Variants in VPS13B observed in about 807,000 individuals in gnomAD.
VPS13B encodes the protein intermembrane lipid transfer protein VPS13B.
VPS13B carries 285 observed loss-of-function variants against 426.4 expected under a neutral mutation model. The ratio of observed to expected loss-of-function variants is 0.67; its 90% CI spans 0.61 to 0.74. The LOEUF is 0.74. Ranked by LOEUF, VPS13B falls within the 30% of genes least tolerant of loss-of-function variation. VPS13B has a pLI of 0.00. For missense variants in VPS13B, 4,537 were observed against 4,782.6 expected (o/e 0.95, Z 1.51); for synonymous variants, 1,676 against 1,676.4 (o/e 1.00, Z 0.01).
intron 17 of VPS13B, among the ~76,000 whole-genome samples, chr8:99,232,031 C>T (rs114588170): frequency 0.01 from 1,549 of 152,104 alleles, 15 homozygotes; most frequent in South Asian, 0.028. Context: ...AGTAACCAAG[C>T]GTAAGTTGAG....
At position 99,111,240 on chromosome 8, in the gene VPS13B, A is replaced by G. The variant is rs778049327; in HGVS notation, c.723A>G (p.Thr241=). 3.9e-5 allele frequency: 62 copies of G among 1,603,158 alleles called. No individual in the cohort carries two copies. In the Admixed American group the frequency reaches 1.0e-3, roughly 27 times the overall value. ...KCSFRTRLHF[T]YENLNSKMPS... is the part of the protein sequence containing the mutation. ...CCTTCAGAACTCGTCTTCATTTTAC[A>G]TATGAAAACCTAAATTCCAAGATGC... Residue 241 remains threonine, a synonymous_variant, in exon 6 of 62, where the codon ACA becomes ACG. Transcript: ENST00000357162.
intron 33 of VPS13B, among the ~76,000 whole-genome samples, chr8:99,589,381 G>T (rs1461413430): frequency 6.6e-6 from 1 of 151,432 alleles, no homozygotes; most frequent in Non-Finnish European, 1.5e-5. Flanking sequence ...ACAGTCCCCA[G>T]TGTGTGATGT....
At chr8:99,187,142 C>T (rs1188156307) in intron 16 of VPS13B, among the ~76,000 whole-genome samples, 4 of 151,938 alleles carry the variant, frequency 2.6e-5, no homozygotes, top group South Asian at 2.1e-4. Context: ...TGTACATTTT[C>T]GTATTATAGG....
chr8:99,838,249 G>A (rs192643041), intron 54 of VPS13B, among the ~76,000 whole-genome samples: 60 of 152,300 alleles, frequency 3.9e-4, no homozygotes, highest in Non-Finnish European at 3.2e-4. Context: ...CCCATGATTT[G>A]ATAGTTAGTG....
chr8:99,197,231 G>A (rs1304052659), intron 17 of VPS13B, among the ~76,000 whole-genome samples: 2 of 152,108 alleles, frequency 1.3e-5, no homozygotes, highest in Non-Finnish European at 1.5e-5. Context: ...TTAATATTTT[G>A]TTGAGAATTT....
intron 17 of VPS13B, among the ~76,000 whole-genome samples, chr8:99,254,262 A>G (rs1475998141): frequency 6.6e-6 from 1 of 151,878 alleles, no homozygotes; most frequent in Non-Finnish European, 1.5e-5. Context: ...GTTTCCCTTC[A>G]TCTGAGAGTG....
chr8:99,871,554 G>A lies in VPS13B; in HGVS notation c.11602G>A (p.Glu3868Lys). 1.9e-6 allele frequency: 3 copies of A among 1,614,232 alleles called. No homozygotes were observed. The African/African-American group carries it at 4.0e-5, about 22-fold the overall frequency. Residue 3868 changes from glutamate to lysine, a missense_variant, in exon 61 of 62, where the codon GAA becomes AAA. Glu to Lys is a moderately conservative substitution (Grantham distance 56). Coordinates refer to ENST00000357162, the MANE Select transcript of VPS13B (RefSeq NM_152564.5). ...EHEGCLLLTS[E>K]VLFVVSVSED... ...TGAAGGGTGCTTGCTGCTGACATCA[G>A]AAGTGCTCTTCGTGGTGAGTGTCAG...
chr8:99,675,599 G>T (rs962259018), intron 35 of VPS13B, among the ~76,000 whole-genome samples: 2 of 152,136 alleles, frequency 1.3e-5, no homozygotes, highest in African/African-American at 4.8e-5. Context: ...TTACCCTTTT[G>T]ATGCTGTCCC....
intron 44 of VPS13B, among the ~76,000 whole-genome samples, chr8:99,815,074 C>T (rs1056048777): frequency 2.0e-5 from 3 of 151,796 alleles, no homozygotes; most frequent in Non-Finnish European, 2.9e-5. Flanking sequence ...CCAGAAAAAC[C>T]GCACTGATGA....
intron 17 of VPS13B, among the ~76,000 whole-genome samples, chr8:99,196,468 T>G (rs1289950556): frequency 3.7e-5 from 5 of 133,550 alleles, no homozygotes; most frequent in Non-Finnish European, 6.4e-5. Flanking sequence ...TCTTTAGGGG[T>G]TTTTTTTTTT....
At chr8:99,246,381 A>G (rs1331592330) in intron 17 of VPS13B, among the ~76,000 whole-genome samples, 4 of 152,176 alleles carry the variant, frequency 2.6e-5, no homozygotes, top group African/African-American at 9.7e-5. Context: ...GCAAGGTATG[A>G]CCCATGGACC....
At chr8:99,769,716 G>A (rs753727659) in intron 40 of VPS13B, among the ~76,000 whole-genome samples, 50 of 152,264 alleles carry the variant, frequency 3.3e-4, no homozygotes, top group Non-Finnish European at 5.1e-4. Flanking sequence ...TCAAGGTGAA[G>A]ACCTAGGTTT....
chr8:99,592,703 T>C (rs1826756219), intron 33 of VPS13B, among the ~76,000 whole-genome samples: 1 of 152,010 alleles, frequency 6.6e-6, no homozygotes, highest in Non-Finnish European at 1.5e-5. Context: ...ATGGTACTGA[T>C]ACAAAAACAG....
At chr8:99,486,749 A>G (rs1588428924) in intron 25 of VPS13B, among the ~76,000 whole-genome samples, 1 of 152,206 alleles carries the variant, frequency 6.6e-6, no homozygotes, top group East Asian at 1.9e-4. Flanking sequence ...CTCGACCCTT[A>G]TCTGAGTTTG....
intron 12 of VPS13B, among the ~76,000 whole-genome samples, chr8:99,140,632 CTCCTCCCCCTCCTTGCCT>C (rs1165271231): frequency 1.4e-5 from 2 of 147,976 alleles, no homozygotes; most frequent in South Asian, 2.2e-4. Context: ...CTCCTTCCTC[CTCCTCCCCCTCCTTGCCT>C]TCCTCCCCCT....
intron 14 of VPS13B, among the ~76,000 whole-genome samples, chr8:99,150,309 C>G (rs368215135): frequency 2.4e-4 from 37 of 152,234 alleles, no homozygotes; most frequent in Middle Eastern, 3.4e-3. Context: ...TGACTCCCCC[C>G]ACGTACATAG....
rs557543824 is a variant in VPS13B, at chr8:99,679,795, G to A, written c.6046+18304G>A. ...TAGCTCTTATACCTGTGAATACTCCGTCTCCCTTGTCCACTGTCATCATGA... is the reference window on the plus strand; with the variant it reads ...TAGCTCTTATACCTGTGAATACTCCATCTCCCTTGTCCACTGTCATCATGA... On this transcript the variant is annotated intron_variant, in intron 35 of 61. Transcript: ENST00000357162. Among the ~76,000 whole-genome samples, 8 of 152,190 alleles carry A rather than the reference G, an allele frequency of 5.3e-5. No individual in the cohort carries two copies. In the East Asian group the frequency reaches 7.7e-4, roughly 15 times the overall value.
chr8:99,819,989 G>C lies in VPS13B; in HGVS notation c.8861G>C (p.Arg2954Thr). 3.7e-6 allele frequency: 6 copies of C among 1,614,038 alleles called. No individual in the cohort carries two copies. The highest frequency in any genetic ancestry group is 4.2e-6 in the Non-Finnish European group (5 of 1,179,926). ...CTGTCAATCTGGAAGCCATATGTTA[G>C]AACTTTGTTGATAGAACTTCTGCCC... Reference protein sequence around the residue: ...VKLSIWKPYVRTLLIELLPWA... With the variant: ...VKLSIWKPYVTTLLIELLPWA... The change falls in exon 49 of 62, where the codon AGA (arginine) becomes ACA (threonine). Residue 2954 changes from arginine to threonine, a missense_variant. By Grantham distance (71) the Arg-to-Thr change is moderately conservative. This residue lies in a region of VPS13B where 4,311 missense variants were observed against 4,474.3 expected (regional missense o/e 0.96). Transcript: ENST00000357162.
intron 17 of VPS13B, among the ~76,000 whole-genome samples, chr8:99,235,934 A>G (rs1364259828): frequency 6.6e-6 from 1 of 152,244 alleles, no homozygotes; most frequent in Admixed American, 6.5e-5. Context: ...TGAAAATAGA[A>G]TAGTGTCTAC....
Sources: gnomAD v4.1 joint callset for allele counts (sites outside exome capture counted in the v4.1 genomes callset) on GRCh38, gnomAD v4.1.1 for gene constraint, gnomAD v4.1.1 regional missense constraint, MANE v1.5 for transcripts, NCBI Gene and HGNC (gene_info 2026-07-23, HGNC 2026-07-21) for gene names.